TESC: variants seen among roughly 807,000 people sequenced by gnomAD.
TESC encodes the protein tescalcin, also known as calcineurin B homologous protein 3.
A neutral mutation model predicts 31.0 loss-of-function variants in TESC; 19 were observed. That is an observed-to-expected ratio of 0.61 (90% CI 0.43 to 0.90). The LOEUF (loss-of-function observed/expected upper bound fraction) is 0.90, where lower values mean the gene tolerates loss of function less well. TESC is among the 40% of genes least tolerant of loss of function. The pLI is 0.00. For missense variants in TESC, 248 were observed against 303.8 expected (o/e 0.82, Z 1.36); for synonymous variants, 109 against 114.8 (o/e 0.95, Z 0.32).
intron 7 of TESC, among the ~76,000 whole-genome samples, chr12:117,040,734 C>T (rs563188322): frequency 1.1e-4 from 16 of 152,314 alleles, no homozygotes; most frequent in East Asian, 9.7e-4. Flanking sequence ...TGCCGACCTC[C>T]GCAGTCTCCT....
intron 2 of TESC, among the ~76,000 whole-genome samples, chr12:117,063,003 C>T (rs1954819397): frequency 6.6e-6 from 1 of 152,212 alleles, no homozygotes; most frequent in South Asian, 2.1e-4. Flanking sequence ...TCCAGGCCTC[C>T]TGCGGGAGAG....
At chr12:117,056,595 A>C (rs1954727546) in intron 3 of TESC, among the ~76,000 whole-genome samples, 1 of 152,152 alleles carries the variant, frequency 6.6e-6, no homozygotes, top group African/African-American at 2.4e-5. Context: ...GACAATGAAC[A>C]CAGAGGCCTA....
chr12:117,062,273 G>A (rs1291625171), intron 2 of TESC, among the ~76,000 whole-genome samples: 2 of 151,930 alleles, frequency 1.3e-5, no homozygotes, highest in Non-Finnish European at 2.9e-5. Flanking sequence ...CCAGGCTGGA[G>A]CACAGTGGCG....
intron 1 of TESC, among the ~76,000 whole-genome samples, chr12:117,079,054 G>GT (rs377314837): frequency 9.2e-5 from 14 of 152,292 alleles, no homozygotes; most frequent in African/African-American, 3.4e-4. Context: ...CAGAAGGGAT[G>GT]TAACTTGCTC....
At chr12:117,042,738 T>C (rs1954503284) in intron 6 of TESC, among the ~76,000 whole-genome samples, 1 of 152,028 alleles carries the variant, frequency 6.6e-6, no homozygotes, top group Non-Finnish European at 1.5e-5. Flanking sequence ...TCCAAAAACC[T>C]CACCCTGCAG....
intron 2 of TESC, 47 bp from the exon 3 acceptor site, chr12:117,056,933 A>G: frequency 6.3e-7 from 1 of 1,588,118 alleles, no homozygotes; most frequent in East Asian, 2.2e-5. Context: ...AAGGAAAGAT[A>G]GCAGACGTCA....
chr12:117,096,527 C>G (rs1032454814), intron 1 of TESC, among the ~76,000 whole-genome samples: 1 of 152,066 alleles, frequency 6.6e-6, no homozygotes, highest in Non-Finnish European at 1.5e-5. Context: ...GACCAAGACT[C>G]AACTCTCAGC....
chr12:117,082,341 T>C (rs1255378571), intron 1 of TESC, among the ~76,000 whole-genome samples: 2 of 151,932 alleles, frequency 1.3e-5, no homozygotes, highest in African/African-American at 4.8e-5. Context: ...CCATCTCTAC[T>C]AAAAATACAA....
chr12:117,073,954 C>T (rs547198947), intron 2 of TESC, among the ~76,000 whole-genome samples: 27 of 152,124 alleles, frequency 1.8e-4, no homozygotes, highest in African/African-American at 6.5e-4. Context: ...TCTGGTGCAG[C>T]GGTACACACC....
chr12:117,077,278 C>T (rs1955087026), intron 1 of TESC, among the ~76,000 whole-genome samples: 1 of 152,166 alleles, frequency 6.6e-6, no homozygotes, highest in Admixed American at 6.5e-5. Flanking sequence ...CCTCTTGTTA[C>T]AGATGTAGCC....
At chr12:117,059,974 T>C (rs1240715073) in intron 2 of TESC, among the ~76,000 whole-genome samples, 1 of 152,064 alleles carries the variant, frequency 6.6e-6, no homozygotes, top group Non-Finnish European at 1.5e-5. Context: ...ACACAAATGG[T>C]GTACGATGCC....
chr12:117,049,727 C>T (rs537060646), intron 3 of TESC, among the ~76,000 whole-genome samples: 1 of 151,998 alleles, frequency 6.6e-6, no homozygotes, highest in African/African-American at 2.4e-5. Context: ...ATGATGACAC[C>T]ACGCCTCTAA....
At chr12:117,076,979 C>T (rs901140851) in intron 1 of TESC, among the ~76,000 whole-genome samples, 1 of 152,182 alleles carries the variant, frequency 6.6e-6, no homozygotes, top group Admixed American at 6.5e-5. Context: ...ACGGGCTGGA[C>T]TGCGGAGCTG....
intron 1 of TESC, among the ~76,000 whole-genome samples, chr12:117,079,782 G>A (rs1426166394): frequency 6.6e-6 from 1 of 152,128 alleles, no homozygotes; most frequent in Non-Finnish European, 1.5e-5. Context: ...TTTAGAGAGA[G>A]ATAAAAATGT....
intron 3 of TESC, 82 bp from the exon 4 acceptor site, chr12:117,049,240 C>T: frequency 1.9e-6 from 3 of 1,583,330 alleles, no homozygotes; most frequent in Non-Finnish European, 2.6e-6. Flanking sequence ...CCCGAGAACT[C>T]CGCTCTCAGG....
At chr12:117,063,945 C>T (rs544255129) in intron 2 of TESC, among the ~76,000 whole-genome samples, 1 of 152,360 alleles carries the variant, frequency 6.6e-6, no homozygotes, top group Non-Finnish European at 1.5e-5. Context: ...TCTCTCCCTA[C>T]TCCAGACCTA....
Position 117,046,818 on chromosome 12 carries a change from A to C in TESC, c.370T>G (p.Ser124Ala), listed in dbSNP as rs1430269462. ...KLRFLFHMYD[S>A]DSDGRITLEE... ...AGAGTGATGCGGCCGTCGCTGTCCG[A>C]GTCGTACATGTGGAACAGAACTAGG... Residue 124 changes from serine to alanine, a missense_variant, in exon 5 of 8, where the codon TCG becomes GCG. By Grantham distance (99) the Ser-to-Ala change is moderately conservative. Transcript: ENST00000335209. The C allele has an allele frequency of 6.4e-7, 1 of 1,572,218 alleles. No individual in the cohort carries two copies. Among genetic ancestry groups the C allele is most frequent in the South Asian group, 1.2e-5 (1 of 85,656 alleles).
At chr12:117,057,002 A>C (rs1954735949) in intron 2 of TESC, 116 bp from the exon 3 acceptor site, 2 of 954,870 alleles carry the variant, frequency 2.1e-6, no homozygotes, top group Non-Finnish European at 1.7e-6. Flanking sequence ...CCCCCACAAG[A>C]ATAGTTCAGA....
intron 6 of TESC, among the ~76,000 whole-genome samples, chr12:117,045,199 G>T (rs1954539908): frequency 6.6e-6 from 1 of 152,238 alleles, no homozygotes; most frequent in Non-Finnish European, 1.5e-5. Flanking sequence ...CTGCCTTGCA[G>T]CCGTCTTCCT....
Sources: gnomAD v4.1 joint callset for allele counts (sites outside exome capture counted in the v4.1 genomes callset) on GRCh38, gnomAD v4.1.1 for gene constraint, MANE v1.5 for transcripts, NCBI Gene and HGNC (gene_info 2026-07-23, HGNC 2026-07-21) for gene names.